Variants in CD300LF observed in about 807,000 individuals in gnomAD.
CD300LF encodes the protein CD300 molecule like family member f, also known as CMRF35-like molecule 1.
Under a neutral mutation model 32.2 loss-of-function variants are expected in CD300LF, and 27 were observed. The ratio of observed to expected loss-of-function variants is 0.84; its 90% CI spans 0.62 to 1.15. The LOEUF (loss-of-function observed/expected upper bound fraction) is 1.15, where lower values mean the gene tolerates loss of function less well. Ranked by LOEUF, CD300LF falls within the 50% of genes most tolerant of loss-of-function variation. The pLI is 0.00. For synonymous variants in CD300LF, 139 were observed against 143.2 expected, an observed-to-expected ratio of 0.97 and a Z score of 0.21; for missense variants, 348 against 356.8, an observed-to-expected ratio of 0.98 and a Z score of 0.20.
chr17:74,699,360 C>T (rs534862645), intron 3 of CD300LF, among the ~76,000 whole-genome samples: 1 of 152,276 alleles, frequency 6.6e-6, no homozygotes, highest in East Asian at 1.9e-4. Context: ...GGTTGAATAG[C>T]GTCCTCTTCC....
At chr17:74,699,257 G>A (rs2032812403) in intron 3 of CD300LF, among the ~76,000 whole-genome samples, 1 of 152,132 alleles carries the variant, frequency 6.6e-6, no homozygotes, top group African/African-American at 2.4e-5. Context: ...AGGGTTCCAT[G>A]AGGTGGTTTT....
intron 1 of CD300LF, among the ~76,000 whole-genome samples, chr17:74,707,109 G>A (rs1462595811): frequency 6.6e-6 from 1 of 152,164 alleles, no homozygotes. Flanking sequence ...CAAAAGCACA[G>A]GCAACAAAAG....
intron 1 of CD300LF, among the ~76,000 whole-genome samples, chr17:74,707,062 A>T (rs972691930): frequency 6.6e-6 from 1 of 152,206 alleles, no homozygotes; most frequent in Non-Finnish European, 1.5e-5. Context: ...AAAGCTCCAC[A>T]ACATTGGTCT....
intron 2 of CD300LF, among the ~76,000 whole-genome samples, chr17:74,703,318 T>A (rs1203263904): frequency 6.6e-6 from 1 of 152,014 alleles, no homozygotes; most frequent in South Asian, 2.1e-4. Flanking sequence ...CAGAGCCTCA[T>A]AGGCAGGTGG....
intron 1 of CD300LF, among the ~76,000 whole-genome samples, chr17:74,711,055 C>T (rs906457016): frequency 6.6e-6 from 1 of 152,058 alleles, no homozygotes; most frequent in African/African-American, 2.4e-5. Context: ...AATAAAAAAC[C>T]TTCCTTTCTC....
rs1598254165 is a variant in CD300LF, at chr17:74,704,390, A to G, written c.382+88T>C. 1.0e-5 allele frequency: 10 copies of G among 955,850 alleles called. No homozygotes were observed. The South Asian group carries it at 1.4e-4, about 13-fold the overall frequency. 59.2% of individuals were successfully genotyped at this position (955,850 alleles called of 1,614,324 possible). ...TCGGGACTCAAGTGATAGATCACTCAGTGACAATTAAATCACTTGAGTAGG... is the reference window on the plus strand; with the variant it reads ...TCGGGACTCAAGTGATAGATCACTCGGTGACAATTAAATCACTTGAGTAGG... On this transcript the variant is annotated intron_variant, in intron 2 of 6. Coordinates refer to ENST00000326165, the MANE Select transcript of CD300LF (RefSeq NM_139018.5).
rs962719800 is a variant in CD300LF, at chr17:74,695,214, A to G, written c.755T>C (p.Leu252Pro). The change falls in exon 7 of 7, where the codon CTG (leucine) becomes CCG (proline). Residue 252 changes from leucine (L) to proline (P), a missense_variant. Coordinates refer to ENST00000326165, the MANE Select transcript of CD300LF (RefSeq NM_139018.5). ...TTCCTGATCCTCAGCACCCAAGGTC[A>G]GAGATGCATAGGAAATGTCCTCCTT... ...LPKEDISYAS[L>P]TLGAEDQEPT... is the part of the protein sequence containing the mutation. The G allele has an allele frequency of 6.2e-7, 1 of 1,614,170 alleles. No individual in the cohort carries two copies. The highest frequency in any genetic ancestry group is 8.5e-7 in the Non-Finnish European group (1 of 1,180,018).
intron 1 of CD300LF, among the ~76,000 whole-genome samples, chr17:74,709,504 T>C (rs941821462): frequency 4.6e-5 from 7 of 152,162 alleles, no homozygotes; most frequent in African/African-American, 1.7e-4. Flanking sequence ...CACTTTTTTG[T>C]ACATTTTATT....
At chr17:74,708,953 G>C (rs1243379577) in intron 1 of CD300LF, among the ~76,000 whole-genome samples, 1 of 150,754 alleles carries the variant, frequency 6.6e-6, no homozygotes, top group African/African-American at 2.4e-5. Flanking sequence ...GGCCAGGCAC[G>C]GTGGTTTACA....
intron 3 of CD300LF, among the ~76,000 whole-genome samples, chr17:74,701,523 T>C (rs1215650096): frequency 1.3e-5 from 2 of 152,194 alleles, no homozygotes; most frequent in African/African-American, 4.8e-5. Flanking sequence ...GAAAATAAAC[T>C]TTCAAATCAG....
At chr17:74,696,872 C>T (rs969995653) in intron 4 of CD300LF, among the ~76,000 whole-genome samples, 1 of 152,020 alleles carries the variant, frequency 6.6e-6, no homozygotes, top group South Asian at 2.1e-4. Context: ...GTAGAATGTG[C>T]AAGCTGGGTC....
chr17:74,701,700 A>G (rs747070331), intron 3 of CD300LF, among the ~76,000 whole-genome samples: 1 of 152,124 alleles, frequency 6.6e-6, no homozygotes, highest in African/African-American at 2.4e-5. Context: ...GCTACTAAAA[A>G]TTGGCCGGGC....
chr17:74,701,249 TTTGG>T (rs2033025327), intron 3 of CD300LF, among the ~76,000 whole-genome samples: 2 of 152,224 alleles, frequency 1.3e-5, no homozygotes, highest in South Asian at 4.1e-4. Context: ...GTCAACCCTA[TTTGG>T]TTACACTAAT....
intron 3 of CD300LF, among the ~76,000 whole-genome samples, chr17:74,702,466 A>T (rs1275979193): frequency 6.6e-6 from 1 of 152,222 alleles, no homozygotes; most frequent in Non-Finnish European, 1.5e-5. Flanking sequence ...AAACAAAATA[A>T]TGCACAGGAA....
At chr17:74,696,049 A>G in intron 5 of CD300LF, 146 bp downstream of exon 5, 1 of 1,267,694 alleles carries the variant, frequency 7.9e-7, no homozygotes, top group Non-Finnish European at 1.1e-6. Flanking sequence ...CCAGGCCCTC[A>G]GCCCCCAGGC....
chr17:74,705,666 C>G (rs1387736481), intron 1 of CD300LF, among the ~76,000 whole-genome samples: 1 of 152,108 alleles, frequency 6.6e-6, no homozygotes, highest in East Asian at 1.9e-4. Flanking sequence ...TCAATCATGG[C>G]TCACTGAAGC....
chr17:74,706,669 A>AAAAAC (rs905552893), intron 1 of CD300LF, among the ~76,000 whole-genome samples: 36 of 152,282 alleles, frequency 2.4e-4, no homozygotes, highest in African/African-American at 7.2e-4. Context: ...ACTCCATCTC[A>AAAAAC]AAAACAAAAC....
rs1413164982 is a variant in CD300LF, at chr17:74,695,271, C to G, written c.718-20G>C. ...GGAAGCCTGCAGCAAAGGCGGGCTC[C>G]AGGTCAGAGAGGACGGCAGGAAGTG... On this transcript the variant is annotated intron_variant, in intron 6 of 6. Transcript: ENST00000326165. 3 of 1,613,294 alleles carry G rather than the reference C, an allele frequency of 1.9e-6. No homozygotes were observed. The highest frequency in any genetic ancestry group is 1.7e-5 in the Admixed American group (1 of 59,950).
In CD300LF at chr17:74,695,118, T is replaced by G. The variant is rs946711455; in HGVS notation, c.851A>C (p.Tyr284Ser). ...PGRGPEEPTE[Y>S]STISRP ...AGGCTAAGGCCTGCTGATGGTGCTGTATTCCGTGGGCTCCTCAGGGCCCCT... is the reference window on the plus strand; with the variant it reads ...AGGCTAAGGCCTGCTGATGGTGCTGGATTCCGTGGGCTCCTCAGGGCCCCT... Residue 284 changes from tyrosine to serine, a missense_variant, in exon 7 of 7, where the codon TAC becomes TCC. Physicochemically the swap from Tyr to Ser is moderately radical, Grantham distance 144 (BLOSUM62 -2). Transcript: ENST00000326165. The G allele has an allele frequency of 2.5e-6, 4 of 1,614,052 alleles. No individual in the cohort carries two copies. Among genetic ancestry groups the G allele is most frequent in the Non-Finnish European group, 3.4e-6 (4 of 1,179,968 alleles).
Sources: gnomAD v4.1 joint callset for allele counts (sites outside exome capture counted in the v4.1 genomes callset) on GRCh38, gnomAD v4.1.1 for gene constraint, MANE v1.5 for transcripts, NCBI Gene and HGNC (gene_info 2026-07-23, HGNC 2026-07-21) for gene names.